EML4: variants seen among roughly 807,000 people sequenced by gnomAD.
The protein encoded by EML4 is echinoderm microtubule-associated protein-like 4.
A neutral mutation model predicts 129.0 loss-of-function variants in EML4; 72 were observed. That is an observed-to-expected ratio of 0.56 (90% CI 0.46 to 0.68). The LOEUF is 0.68. Ranked by LOEUF, EML4 falls within the 30% of genes least tolerant of loss-of-function variation. The probability of loss-of-function intolerance (pLI) is 0.00; values close to 1 mark genes in which losing one functional copy is unlikely to be tolerated. For missense variants in EML4, 1,363 were observed against 1,190.6 expected (o/e 1.14, Z -2.13); for synonymous variants, 532 against 405.0 (o/e 1.31, Z -3.77).
rs1572774687 is a variant in EML4, at chr2:42,331,372, C to G, written c.*1165C>G. The G allele has an allele frequency of 3.1e-5, 7 of 224,814 alleles. No homozygotes were observed. In the East Asian group the frequency reaches 4.5e-4, roughly 15 times the overall value. 13.9% of individuals were successfully genotyped at this position (224,814 alleles called of 1,614,324 possible). Reference sequence around the variant, plus strand: ...GTAAGTCTAATGTGGCTATCCTACTCTTTTGGGCAATGCATGTATTATGCA... The same window carrying G: ...GTAAGTCTAATGTGGCTATCCTACTGTTTTGGGCAATGCATGTATTATGCA... On this transcript the variant is annotated 3_prime_UTR_variant, in exon 23 of 23. Transcript: ENST00000318522.
chr2:42,174,797 A>T (rs912084144), intron 1 of EML4, among the ~76,000 whole-genome samples: 1 of 152,026 alleles, frequency 6.6e-6, no homozygotes, highest in African/African-American at 2.4e-5. Context: ...TAGGTGAAAA[A>T]GGTCTAGAAA....
At chr2:42,311,053 G>A (rs1335563136) in intron 17 of EML4, among the ~76,000 whole-genome samples, 3 of 152,234 alleles carry the variant, frequency 2.0e-5, no homozygotes, top group South Asian at 2.1e-4. Context: ...ACTTAGGCAC[G>A]GTTTTGGTGG....
intron 11 of EML4, chr2:42,289,561 A>C (rs762723791): frequency 6.6e-6 from 1 of 152,104 alleles, no homozygotes; most frequent in African/African-American, 2.4e-5. Context: ...ATCTGTACAT[A>C]ATCATCTTTC....
chr2:42,197,099 G>T (rs893074541), intron 1 of EML4, among the ~76,000 whole-genome samples: 15 of 152,066 alleles, frequency 9.9e-5, no homozygotes, highest in African/African-American at 3.6e-4. Flanking sequence ...AGACAGGGTC[G>T]CACTCTGTCA....
chr2:42,270,182 T>C (rs1245182419), intron 6 of EML4, among the ~76,000 whole-genome samples: 1 of 152,196 alleles, frequency 6.6e-6, no homozygotes, highest in Non-Finnish European at 1.5e-5. Context: ...CTGAAAGCTT[T>C]TTCTTGGAGC....
At chr2:42,252,466 A>G (rs567033316) in intron 2 of EML4, among the ~76,000 whole-genome samples, 3 of 152,316 alleles carry the variant, frequency 2.0e-5, no homozygotes, top group Admixed American at 1.3e-4. Context: ...TCACATGGCT[A>G]CTAGAGGGTA....
chr2:42,201,140 T>G (rs936973304), intron 1 of EML4, among the ~76,000 whole-genome samples: 2 of 152,218 alleles, frequency 1.3e-5, no homozygotes, highest in Admixed American at 6.5e-5. Context: ...AAAATGTTTT[T>G]GTTGGCTACA....
chr2:42,226,500 A>G (rs993676511), intron 1 of EML4, among the ~76,000 whole-genome samples: 27 of 151,568 alleles, frequency 1.8e-4, no homozygotes, highest in East Asian at 1.7e-3. Context: ...TCTACTAAAA[A>G]TACAAAATTA....
At chr2:42,216,230 C>CTTTTTTTTTTTT (rs61417977) in intron 1 of EML4, among the ~76,000 whole-genome samples, 4 of 43,358 alleles carry the variant, frequency 9.2e-5, no homozygotes, top group African/African-American at 2.5e-4. Flanking sequence ...CGGCCCACTT[C>CTTTTTTTTTTTT]TTTTTTTTTT....
intron 1 of EML4, among the ~76,000 whole-genome samples, chr2:42,178,121 C>T (rs544778539): frequency 6.6e-6 from 1 of 152,302 alleles, no homozygotes; most frequent in African/African-American, 2.4e-5. Context: ...ACAGCAGCAG[C>T]AGCAGAAAGA....
intron 6 of EML4, among the ~76,000 whole-genome samples, chr2:42,279,817 A>T (rs1044187704): frequency 1.3e-5 from 2 of 151,652 alleles, no homozygotes; most frequent in African/African-American, 4.8e-5. Context: ...TAGCCATCCG[A>T]CAGGTATAAG....
At chr2:42,177,303 A>G (rs1031725669) in intron 1 of EML4, among the ~76,000 whole-genome samples, 6 of 151,960 alleles carry the variant, frequency 3.9e-5, no homozygotes, top group Non-Finnish European at 2.9e-5. Context: ...AGATTGTAAT[A>G]CACAATCTCA....
chr2:42,224,419 G>A (rs1232023366), intron 1 of EML4, among the ~76,000 whole-genome samples: 1 of 152,114 alleles, frequency 6.6e-6, no homozygotes, highest in African/African-American at 2.4e-5. Context: ...TGTCACATGG[G>A]TATAACCGTG....
At chr2:42,329,090 A>T in intron 22 of EML4, 74 bp downstream of exon 22, 1 of 1,461,976 alleles carries the variant, frequency 6.8e-7, no homozygotes, top group Non-Finnish European at 9.3e-7. Flanking sequence ...ATAGCAAGAA[A>T]ATATAGGTTA....
At chr2:42,292,023 C>A (rs532141326) in intron 11 of EML4, among the ~76,000 whole-genome samples, 24 of 152,338 alleles carry the variant, frequency 1.6e-4, no homozygotes, top group Admixed American at 7.8e-4. Flanking sequence ...CTGGAACTCT[C>A]ACACAGTGCT....
At chr2:42,234,397 G>A (rs893953939) in intron 1 of EML4, among the ~76,000 whole-genome samples, 2 of 152,270 alleles carry the variant, frequency 1.3e-5, no homozygotes, top group Admixed American at 1.3e-4. Context: ...TGGTGGGAAC[G>A]GAAGACAGCT....
intron 11 of EML4, 52 bp from the exon 12 acceptor site, chr2:42,295,073 T>C (rs142181601): frequency 1.4e-6 from 2 of 1,469,490 alleles, no homozygotes; most frequent in East Asian, 4.8e-5. Context: ...AATTGATACT[T>C]GAAGGAGATA....
At position 42,295,511 on chromosome 2, in the gene EML4, C is replaced by G. The variant is rs778354124; in HGVS notation, c.1484C>G (p.Pro495Arg). Residue 495 changes from proline to arginine, a missense_variant, in exon 13 of 23, where the codon CCT becomes CGT. Coordinates refer to ENST00000318522, the MANE Select transcript of EML4 (RefSeq NM_019063.5). Reference protein sequence around the residue: ...TTVEPTPGKGPKGVYQISKQI... With the variant: ...TTVEPTPGKGRKGVYQISKQI... ...GTAGAGCCCACACCTGGGAAAGGACCTAAAGGTACAGTATTCTTATATTAA... is the reference window on the plus strand; with the variant it reads ...GTAGAGCCCACACCTGGGAAAGGACGTAAAGGTACAGTATTCTTATATTAA... 2.5e-6 allele frequency: 4 copies of G among 1,611,378 alleles called. No individual in the cohort carries two copies. The highest frequency in any genetic ancestry group is 1.1e-5 in the South Asian group (1 of 90,348).
At chr2:42,223,752 C>G (rs1238110614) in intron 1 of EML4, among the ~76,000 whole-genome samples, 2 of 152,072 alleles carry the variant, frequency 1.3e-5, no homozygotes, top group African/African-American at 2.4e-5. Flanking sequence ...TTTCACTAAT[C>G]TTTGGACAAT....
Sources: allele counts gnomAD v4.1 joint callset (sites outside exome capture counted in the v4.1 genomes callset), GRCh38; gene constraint gnomAD v4.1.1; transcripts MANE v1.5; gene names NCBI Gene and HGNC (gene_info 2026-07-23, HGNC 2026-07-21).